ZNF385D: variants seen among roughly 807,000 people sequenced by gnomAD.
ZNF385D encodes zinc finger protein 659.
Under a neutral mutation model 35.8 loss-of-function variants are expected in ZNF385D, and 15 were observed. The ratio of observed to expected loss-of-function variants is 0.42; its 90% CI spans 0.28 to 0.64. The LOEUF is 0.64. ZNF385D is among the 30% of genes least tolerant of loss of function. The pLI, the probability that ZNF385D is intolerant of heterozygous loss-of-function variation, is 0.23. For synonymous variants in ZNF385D, 212 were observed against 186.8 expected (o/e 1.13, Z -1.10); for missense variants, 474 against 494.6 (o/e 0.96, Z 0.39).
intron 1 of ZNF385D, among the ~76,000 whole-genome samples, chr3:21,719,944 A>G (rs187430699): frequency 3.9e-5 from 6 of 152,328 alleles, no homozygotes; most frequent in African/African-American, 9.6e-5. Flanking sequence ...ATGACCTCAG[A>G]TGATTTCACT....
chr3:21,554,765 C>T (rs1021806303), intron 3 of ZNF385D, among the ~76,000 whole-genome samples: 4 of 152,132 alleles, frequency 2.6e-5, no homozygotes, highest in African/African-American at 7.2e-5. Flanking sequence ...GCAGCTTCAC[C>T]GTGCACGTTT....
Position 21,672,955 on chromosome 3 carries a change from A to C in ZNF385D, c.23-7927T>G, listed in dbSNP as rs562525612. 8.1e-4 allele frequency among the ~76,000 whole-genome samples: 124 copies of C among 152,284 alleles called. 1 individual carries two copies. Among genetic ancestry groups the C allele is most frequent in the African/African-American group, 2.7e-3 (111 of 41,580 alleles). The stretch of plus-strand genomic sequence containing the variant: ...ATCAGGCAAGGAGTTTTAAATATTT[A>C]ACCCCAAATATCCCTCTGTACTGCA... On this transcript the variant is annotated intron_variant, in intron 1 of 7. Transcript: ENST00000281523.
rs1470813918 is a variant in ZNF385D, at chr3:21,646,183, A to AT, written c.165+18702dup. ...AAAAGTTAAGGAAGGGAGATGTATA[A>AT]TTTTTAGGGTGTCAAAACCGGCCAT... On this transcript the variant is annotated intron_variant, in intron 2 of 7. Transcript: ENST00000281523. The surrounding 1 kb of genome is among the most constrained non-coding windows in gnomAD (Gnocchi z 4.3). 6.6e-6 allele frequency among the ~76,000 whole-genome samples: 1 copy of AT among 152,200 alleles called. No individual in the cohort carries two copies. Among genetic ancestry groups the AT allele is most frequent in the Non-Finnish European group, 1.5e-5 (1 of 68,040 alleles).
At chr3:21,978,342 A>T (rs1248869962) in intron 3 of ZNF385D, 1 of 152,216 alleles carries the variant, frequency 6.6e-6, no homozygotes, top group African/African-American at 2.4e-5. Context: ...TATGATCTAA[A>T]CCTAGGATTT....
intron 3 of ZNF385D, among the ~76,000 whole-genome samples, chr3:21,878,993 T>C (rs1289783616): frequency 3.9e-5 from 6 of 152,012 alleles, no homozygotes; most frequent in Non-Finnish European, 7.4e-5. Context: ...AGGACAGAAC[T>C]TGCTGCCAAC....
chr3:21,576,044 A>C (rs191214970), intron 2 of ZNF385D, among the ~76,000 whole-genome samples: 1 of 152,344 alleles, frequency 6.6e-6, no homozygotes, highest in East Asian at 1.9e-4. Flanking sequence ...TATGGAATAC[A>C]GAATACCAAC....
At chr3:22,044,484 G>A (rs1007928944) in intron 3 of ZNF385D, among the ~76,000 whole-genome samples, 17 of 152,038 alleles carry the variant, frequency 1.1e-4, no homozygotes, top group Admixed American at 6.6e-4. Flanking sequence ...AAAAGACACA[G>A]GCTGAAGCAC....
intron 3 of ZNF385D, among the ~76,000 whole-genome samples, chr3:21,928,348 G>C (rs533678291): frequency 7.1e-6 from 1 of 140,092 alleles, no homozygotes; most frequent in Admixed American, 7.1e-5. Context: ...GGGAGGGAGG[G>C]ACGAAGGAAG....
At chr3:21,994,994 G>C (rs1695372742) in intron 3 of ZNF385D, among the ~76,000 whole-genome samples, 1 of 152,332 alleles carries the variant, frequency 6.6e-6, no homozygotes, top group Non-Finnish European at 1.5e-5. Context: ...GATGTTAGTG[G>C]GTCCAGGTAG....
intron 3 of ZNF385D, among the ~76,000 whole-genome samples, chr3:22,002,138 A>C (rs909416583): frequency 6.6e-6 from 1 of 151,992 alleles, no homozygotes; most frequent in African/African-American, 2.4e-5. Context: ...AACACACACA[A>C]AGATTAGTGA....
chr3:21,750,160 A>G (rs1398289411), intron 1 of ZNF385D, among the ~76,000 whole-genome samples: 1 of 152,254 alleles, frequency 6.6e-6, no homozygotes, highest in Non-Finnish European at 1.5e-5. Context: ...TTGCGGCGTT[A>G]GAGTGCAAAT....
intron 3 of ZNF385D, among the ~76,000 whole-genome samples, chr3:21,947,036 T>C (rs78770344): frequency 1.3e-5 from 2 of 152,244 alleles, no homozygotes; most frequent in East Asian, 3.9e-4. Context: ...CTGAGAAATG[T>C]CTTGTGAATC....
chr3:22,011,180 T>G (rs1321123377), intron 3 of ZNF385D, among the ~76,000 whole-genome samples: 1 of 152,158 alleles, frequency 6.6e-6, no homozygotes, highest in Non-Finnish European at 1.5e-5. Flanking sequence ...CACTGTTTAT[T>G]GTTTCTAAAA....
At chr3:21,857,442 T>C (rs2125822652) in intron 3 of ZNF385D, among the ~76,000 whole-genome samples, 1 of 152,126 alleles carries the variant, frequency 6.6e-6, no homozygotes, top group African/African-American at 2.4e-5. Context: ...TTTTTTGTTG[T>C]TGTTGCTGTT....
At chr3:21,591,524 T>G (rs558920903) in intron 2 of ZNF385D, among the ~76,000 whole-genome samples, 1 of 152,306 alleles carries the variant, frequency 6.6e-6, no homozygotes, top group Non-Finnish European at 1.5e-5. Context: ...ATTAATGTTG[T>G]TTTAAAAGTC....
chr3:21,577,780 A>T (rs1177240292), intron 2 of ZNF385D, among the ~76,000 whole-genome samples: 1 of 145,998 alleles, frequency 6.8e-6, no homozygotes, highest in South Asian at 2.2e-4. Flanking sequence ...AGCATTTTTC[A>T]TATACTTGTT....
intron 1 of ZNF385D, among the ~76,000 whole-genome samples, chr3:21,694,673 T>C (rs1469320515): frequency 1.3e-5 from 2 of 152,306 alleles, no homozygotes; most frequent in African/African-American, 2.4e-5. Context: ...TGTGTGCATC[T>C]AGACAAAAGA....
intron 3 of ZNF385D, among the ~76,000 whole-genome samples, chr3:22,093,512 T>C (rs1701438683): frequency 6.6e-6 from 1 of 152,066 alleles, no homozygotes; most frequent in Non-Finnish European, 1.5e-5. Flanking sequence ...AAGGTCTATT[T>C]ATTTATAAGC....
At chr3:21,736,950 C>CT (rs1005062225) in intron 1 of ZNF385D, among the ~76,000 whole-genome samples, 3 of 152,008 alleles carry the variant, frequency 2.0e-5, no homozygotes, top group African/African-American at 4.8e-5. Context: ...TTCTTTTTTT[C>CT]TTTTTTTGAG....
Sources: allele counts gnomAD v4.1 joint callset (sites outside exome capture counted in the v4.1 genomes callset), GRCh38; gene constraint gnomAD v4.1.1; non-coding constraint Gnocchi (gnomAD v3.1); transcripts MANE v1.5; gene names NCBI Gene and HGNC (gene_info 2026-07-23, HGNC 2026-07-21).